The following TXNDC8 variants were observed in gnomAD, a reference collection of about 807,000 sequenced individuals.
TXNDC8 encodes the protein thioredoxin domain containing 8, also known as thioredoxin domain-containing protein 8.
Under a neutral mutation model 12.9 loss-of-function variants are expected in TXNDC8, and 15 were observed. The observed-to-expected ratio is 1.16, with a 90% confidence interval of 0.78 to 1.79. The LOEUF is 1.79. TXNDC8 is among the 40% of genes most tolerant of loss of function. The pLI is 0.00. For synonymous variants in TXNDC8, 40 were observed against 35.4 expected, an observed-to-expected ratio of 1.13 and a Z score of -0.46; for missense variants, 128 against 113.2, an observed-to-expected ratio of 1.13 and a Z score of -0.59.
chr9:110,314,534 G>A (rs1408355144), intron 3 of TXNDC8, among the ~76,000 whole-genome samples: 4 of 149,386 alleles, frequency 2.7e-5, no homozygotes, highest in African/African-American at 9.9e-5. Flanking sequence ...CTGGGTTCTC[G>A]CCATTCTCCT....
At chr9:110,314,879 C>T (rs1838827852) in intron 3 of TXNDC8, among the ~76,000 whole-genome samples, 1 of 152,194 alleles carries the variant, frequency 6.6e-6, no homozygotes, top group Admixed American at 6.5e-5. Context: ...CTTCTCTCTC[C>T]TCAAGGCACT....
At chr9:110,334,060 G>C (rs911975612) in intron 2 of TXNDC8, among the ~76,000 whole-genome samples, 156 bp downstream of exon 2, 1 of 152,140 alleles carries the variant, frequency 6.6e-6, no homozygotes, top group African/African-American at 2.4e-5. Context: ...TATCTAATTA[G>C]ATCTCGGTAT....
chr9:110,321,962 C>T (rs1839113794), intron 3 of TXNDC8, among the ~76,000 whole-genome samples: 1 of 152,150 alleles, frequency 6.6e-6, no homozygotes, highest in Admixed American at 6.5e-5. Flanking sequence ...AAGAGGTAAA[C>T]GATTTGTAAT....
intron 2 of TXNDC8, among the ~76,000 whole-genome samples, chr9:110,333,478 TG>T (rs1416033936): frequency 6.6e-6 from 1 of 152,186 alleles, no homozygotes; most frequent in East Asian, 1.9e-4. Context: ...TCAAAAAGGT[TG>T]GGGACCACTG....
rs148176888 is a variant in TXNDC8 at position 110,328,039 on chromosome 9, G to A, written c.130-1799C>T. On this transcript the variant is annotated intron_variant, in intron 2 of 4. Transcript: ENST00000423740. Reference sequence around the variant, plus strand: ...AAAGGGAACTTCTATTATGCTCTGGGCACCATGTCATTTATTTAATGTATT... The same window carrying A: ...AAAGGGAACTTCTATTATGCTCTGGACACCATGTCATTTATTTAATGTATT... Among the ~76,000 whole-genome samples the A allele has an allele frequency of 1.9e-3, 288 of 152,282 alleles. 2 individuals carry two copies. The highest frequency in any genetic ancestry group is 0.011 in the South Asian group (53 of 4,824).
chr9:110,305,015 G>T (rs949594482), intron 3 of TXNDC8, among the ~76,000 whole-genome samples: 1 of 151,846 alleles, frequency 6.6e-6, no homozygotes, highest in African/African-American at 2.4e-5. Context: ...AGGCGTGGTG[G>T]TGTGCACCTG....
In TXNDC8 at chr9:110,323,821, C is replaced by T; in HGVS notation, c.195+2354G>A. 10 of 1,535,372 alleles carry T rather than the reference C, an allele frequency of 6.5e-6. No homozygotes were observed. The South Asian group carries it at 7.3e-5, about 11-fold the overall frequency. On this transcript the variant is annotated intron_variant, in intron 3 of 4. Coordinates refer to ENST00000423740, the MANE Select transcript of TXNDC8 (RefSeq NM_001286946.2). ...ACATGGTGACAAGCTGTAGTAGCTT[C>T]AGACTCATATCTTCCCAAATTCAAA...
chr9:110,310,798 T>C (rs1054028442), intron 3 of TXNDC8, among the ~76,000 whole-genome samples: 3 of 152,228 alleles, frequency 2.0e-5, no homozygotes, highest in Non-Finnish European at 2.9e-5. Context: ...TTCATACTTA[T>C]CCCTGCTAAA....
intron 3 of TXNDC8, among the ~76,000 whole-genome samples, chr9:110,319,056 C>T (rs533907555): frequency 6.6e-6 from 1 of 152,280 alleles, no homozygotes; most frequent in African/African-American, 2.4e-5. Context: ...CACTTTTGTT[C>T]CATCTCACTT....
chr9:110,317,520 G>A (rs1838929660), intron 3 of TXNDC8, among the ~76,000 whole-genome samples: 1 of 152,148 alleles, frequency 6.6e-6, no homozygotes, highest in Admixed American at 6.5e-5. Flanking sequence ...CCCTAAACCT[G>A]CCCAGATAGA....
intron 3 of TXNDC8, among the ~76,000 whole-genome samples, chr9:110,315,947 G>C (rs1426171199): frequency 1.3e-5 from 2 of 151,906 alleles, no homozygotes; most frequent in African/African-American, 2.4e-5. Context: ...ACTGAGGCTG[G>C]AGTGCGGTGG....
At chr9:110,315,846 G>A (rs1348283058) in intron 3 of TXNDC8, among the ~76,000 whole-genome samples, 1 of 150,070 alleles carries the variant, frequency 6.7e-6, no homozygotes, top group East Asian at 2.0e-4. Context: ...GCAGGGGAGG[G>A]GGTTGAGGGG....
Position 110,334,137 on chromosome 9 carries a change from T to G in TXNDC8, c.129+79A>C, listed in dbSNP as rs1043124341. 5 of 1,306,882 alleles carry G rather than the reference T, an allele frequency of 3.8e-6. No homozygotes were observed. In the South Asian group the frequency reaches 7.2e-5, roughly 19 times the overall value. 81.0% of individuals were successfully genotyped at this position (1,306,882 alleles called of 1,614,324 possible). A position where few individuals can be genotyped will look rare whatever the true frequency, so the allele number is the denominator to read the frequency against. Reference sequence around the variant, plus strand: ...CCAGAATGGCTCATAATTGCCAAACTTTTAAGAATTACTGGGAAAAATATT... The same window carrying G: ...CCAGAATGGCTCATAATTGCCAAACGTTTAAGAATTACTGGGAAAAATATT... On this transcript the variant is annotated intron_variant, in intron 2 of 4. Coordinates refer to ENST00000423740, the MANE Select transcript of TXNDC8 (RefSeq NM_001286946.2).
intron 3 of TXNDC8, 130 bp from the exon 5 acceptor site, chr9:110,304,662 T>A (rs1469055534): frequency 3.9e-6 from 3 of 771,060 alleles, no homozygotes; most frequent in Admixed American, 6.2e-5. Flanking sequence ...AGTTTCTCTT[T>A]GCTAAGAGTT....
At chr9:110,319,150 G>T (rs66515112) in intron 3 of TXNDC8, among the ~76,000 whole-genome samples, 13,096 of 152,198 alleles carry the variant, frequency 0.086, 1,039 homozygotes, top group East Asian at 0.42. Flanking sequence ...TTAGGGATCT[G>T]CACCCTTTAG....
intron 3 of TXNDC8, among the ~76,000 whole-genome samples, chr9:110,305,619 C>CTTTTTTTTT (rs1838426469): frequency 1.0e-5 from 1 of 96,628 alleles, no homozygotes. Context: ...TCTTTTTCTT[C>CTTTTTTTTT]CTTCCTTCCT....
chr9:110,322,337 A>G, intron 3 of TXNDC8: 1 of 976,646 alleles, frequency 1.0e-6, no homozygotes, highest in Non-Finnish European at 1.2e-6. Context: ...AAGTGTAATC[A>G]TCTTAATGGT....
chr9:110,310,759 T>G (rs946408589), intron 3 of TXNDC8, among the ~76,000 whole-genome samples: 2 of 152,218 alleles, frequency 1.3e-5, no homozygotes, highest in African/African-American at 2.4e-5. Context: ...CCAGCATACA[T>G]TTTTGTTTGC....
At chr9:110,305,536 T>C (rs1244586506) in intron 3 of TXNDC8, among the ~76,000 whole-genome samples, 4 of 149,594 alleles carry the variant, frequency 2.7e-5, no homozygotes, top group Non-Finnish European at 6.0e-5. Context: ...TTATACTGCA[T>C]GTATTTTCTT....
Sources: gnomAD v4.1 joint callset for allele counts (sites outside exome capture counted in the v4.1 genomes callset) on GRCh38, gnomAD v4.1.1 for gene constraint, MANE v1.5 for transcripts, NCBI Gene and HGNC (gene_info 2026-07-23, HGNC 2026-07-21) for gene names.